The following AVIL variants were observed in gnomAD, a reference collection of about 807,000 sequenced individuals.
The protein encoded by AVIL is advillin.
A neutral mutation model predicts 109.9 loss-of-function variants in AVIL; 78 were observed. The ratio of observed to expected loss-of-function variants is 0.71; its 90% CI spans 0.59 to 0.86. The LOEUF is 0.86. AVIL is among the 40% of genes least tolerant of loss of function. The pLI, the probability that AVIL is intolerant of heterozygous loss-of-function variation, is 0.00. For missense variants in AVIL, 892 were observed against 1,016.5 expected (o/e 0.88, Z 1.67); for synonymous variants, 367 against 379.1 (o/e 0.97, Z 0.37).
At chr12:57,811,255 G>T in intron 4 of AVIL, 128 bp from the exon 5 acceptor site, 1 of 847,938 alleles carries the variant, frequency 1.2e-6, no homozygotes. Flanking sequence ...AATACAGATG[G>T]TGGCAGCTGC....
At chr12:57,812,926 G>A (rs944686674) in intron 4 of AVIL, among the ~76,000 whole-genome samples, 6 of 152,290 alleles carry the variant, frequency 3.9e-5, no homozygotes, top group African/African-American at 9.6e-5. Flanking sequence ...ACCTGGATAC[G>A]TGAGGATTTC....
chr12:57,818,173 C>T (rs1170340611), intron 1 of AVIL, among the ~76,000 whole-genome samples: 3 of 123,454 alleles, frequency 2.4e-5, no homozygotes, highest in Middle Eastern at 8.3e-3. Context: ...TGTGCACCAC[C>T]ATGCTTGGCT....
chr12:57,809,617 C>T lies in AVIL; in HGVS notation c.919G>A (p.Ala307Thr). ...GKGATKAEKQ[A>T]AMSKALGFIK... Reference sequence around the variant, plus strand: ...CCTACCAGCGCTTTAGACATGGCTGCCTGTTTTTCAGCCTTTGTGGCTCCT... The same window carrying T: ...CCTACCAGCGCTTTAGACATGGCTGTCTGTTTTTCAGCCTTTGTGGCTCCT... Residue 307 changes from alanine (A) to threonine (T), a missense_variant, in exon 9 of 20, where the codon GCA becomes ACA. By Grantham distance (58) the Ala-to-Thr change is moderately conservative. Coordinates refer to ENST00000549994, the MANE Select transcript of AVIL (RefSeq NM_006576.4). 1.2e-6 allele frequency: 2 copies of T among 1,614,210 alleles called. No homozygotes were observed. The highest frequency in any genetic ancestry group is 1.7e-6 in the Non-Finnish European group (2 of 1,180,036).
In AVIL at chr12:57,808,537, C is replaced by G. The variant is rs1238821249; in HGVS notation, c.951G>C (p.Lys317Asn). The G allele has an allele frequency of 1.2e-6, 2 of 1,614,024 alleles. No homozygotes were observed. The highest frequency in any genetic ancestry group is 2.2e-5 in the South Asian group (2 of 91,064). ...TGGTGCTGCTGGGGTAGCTCTTCAT[C>G]TTGATGAAGCCCTGCAGAGCCACCC... ...AAMSKALGFI[K>N]MKSYPSSTNV... Residue 317 changes from lysine to asparagine, a missense_variant, in exon 10 of 20, where the codon AAG becomes AAC. Lys to Asn is a moderately conservative substitution (Grantham distance 94). Coordinates refer to ENST00000549994, the MANE Select transcript of AVIL (RefSeq NM_006576.4).
chr12:57,801,433 T>C, intron 17 of AVIL: 1 of 390,762 alleles, frequency 2.6e-6, no homozygotes, highest in South Asian at 2.7e-5. Flanking sequence ...GTCCTCCCAA[T>C]AAGATTTAAG....
In AVIL at chr12:57,803,300, T is replaced by G. The variant is rs1400949099; in HGVS notation, c.1909A>C (p.Thr637Pro). 6.2e-7 allele frequency: 1 copy of G among 1,614,040 alleles called. No homozygotes were observed. The highest frequency in any genetic ancestry group is 1.3e-5 in the African/African-American group (1 of 74,908). ...TCAGTAGGGTTCAGGTCATCCTGGG[T>G]GAAGTCTGTGATCTCAGTGACAACG... ...QFVVTEITDFTQDDLNPTDVM... is the reference protein window; with the variant it reads ...QFVVTEITDFPQDDLNPTDVM... Residue 637 changes from threonine (T) to proline (P), a missense_variant, in exon 16 of 20, where the codon ACC becomes CCC. By Grantham distance (38) the Thr-to-Pro change is conservative. Transcript: ENST00000549994.
At chr12:57,811,750 G>C (rs1299059466) in intron 4 of AVIL, among the ~76,000 whole-genome samples, 2 of 152,248 alleles carry the variant, frequency 1.3e-5, no homozygotes, top group Non-Finnish European at 2.9e-5. Context: ...GCAAGAAGCT[G>C]ATCTTGGCCC....
chr12:57,809,351 G>C (rs368021434), intron 9 of AVIL, among the ~76,000 whole-genome samples: 1 of 152,176 alleles, frequency 6.6e-6, no homozygotes, highest in East Asian at 1.9e-4. Context: ...TAGGAGATGG[G>C]TATGACCCCC....
At chr12:57,811,583 C>A (rs1446937622) in intron 4 of AVIL, among the ~76,000 whole-genome samples, 1 of 152,180 alleles carries the variant, frequency 6.6e-6, no homozygotes, top group Non-Finnish European at 1.5e-5. Flanking sequence ...ACCCGCCCTG[C>A]ACTCAGCCCA....
intron 14 of AVIL, 119 bp downstream of exon 14, chr12:57,806,241 T>C: frequency 9.4e-7 from 1 of 1,068,804 alleles, no homozygotes; most frequent in Non-Finnish European, 1.4e-6. Context: ...TTTTAGTATA[T>C]GTGCTGCCAA....
At chr12:57,813,805 C>T (rs555652562) in intron 3 of AVIL, among the ~76,000 whole-genome samples, 1 of 152,336 alleles carries the variant, frequency 6.6e-6, no homozygotes, top group South Asian at 2.1e-4. Context: ...ATGTGAGTCT[C>T]CTCCATGAGA....
At chr12:57,815,825 G>A in intron 2 of AVIL, 150 bp downstream of exon 2, 3 of 1,522,482 alleles carry the variant, frequency 2.0e-6, no homozygotes. Context: ...GAGAGGTGAA[G>A]GATGGGAAAT....
intron 7 of AVIL, 109 bp from the exon 8 acceptor site, chr12:57,809,999 G>C: frequency 9.3e-7 from 1 of 1,079,350 alleles, no homozygotes; most frequent in Non-Finnish European, 1.4e-6. Context: ...GGTAGAGTGT[G>C]ACTGCCTAAG....
In AVIL at chr12:57,808,475, A is replaced by T. The variant is rs750538192; in HGVS notation, c.1013T>A (p.Met338Lys). ...CCACTTCTGGAACAGCTGCTTGAACATGGCCGACTCAGCACCATCGTTGAC... is the reference window on the plus strand; with the variant it reads ...CCACTTCTGGAACAGCTGCTTGAACTTGGCCGACTCAGCACCATCGTTGAC... ...ETVNDGAESAMFKQLFQKWSV... is the reference protein window; with the variant it reads ...ETVNDGAESAKFKQLFQKWSV... Residue 338 changes from methionine (M) to lysine (K), a missense_variant, in exon 10 of 20, where the codon ATG becomes AAG. Met to Lys is a moderately conservative substitution (Grantham distance 95, BLOSUM62 -1). Coordinates refer to ENST00000549994, the MANE Select transcript of AVIL (RefSeq NM_006576.4). 1.8e-5 allele frequency: 29 copies of T among 1,614,048 alleles called. No individual in the cohort carries two copies. Among genetic ancestry groups the T allele is most frequent in the Non-Finnish European group, 1.9e-5 (23 of 1,180,046 alleles).
chr12:57,811,550 C>T (rs950601762), intron 4 of AVIL, among the ~76,000 whole-genome samples: 1 of 152,208 alleles, frequency 6.6e-6, no homozygotes, highest in African/African-American at 2.4e-5. Context: ...GGCCTTAAGA[C>T]CACCTACCCT....
chr12:57,815,405 A>C (rs2140461917), intron 2 of AVIL, among the ~76,000 whole-genome samples: 1 of 152,300 alleles, frequency 6.6e-6, no homozygotes, highest in East Asian at 1.9e-4. Flanking sequence ...GGCAGCAGCA[A>C]CTGACTGGGC....
rs752259423 is a variant in AVIL, at chr12:57,810,988, G to A, written c.447+31C>T. On this transcript the variant is annotated intron_variant, in intron 5 of 19. Coordinates refer to ENST00000549994, the MANE Select transcript of AVIL (RefSeq NM_006576.4). The stretch of plus-strand genomic sequence containing the variant: ...CTTAGGTGCCAGGTGGAGAAGCCCC[G>A]GGCCTGGGGCAGAGAGTGTGCAGGA... The A allele has an allele frequency of 2.2e-5, 36 of 1,612,496 alleles. No homozygotes were observed. The South Asian group carries it at 3.3e-4, about 15-fold the overall frequency.
intron 1 of AVIL, among the ~76,000 whole-genome samples, chr12:57,816,744 A>G (rs1956105590): frequency 7.3e-6 from 1 of 136,374 alleles, no homozygotes; most frequent in African/African-American, 2.7e-5. Flanking sequence ...CTATTCTTAA[A>G]CTCAAACAAC....
rs779935171 is a variant in AVIL at position 57,811,117 on chromosome 12, C to T, written c.349G>A (p.Gly117Arg). 6.2e-7 allele frequency: 1 copy of T among 1,614,016 alleles called. No individual in the cohort carries two copies. Among genetic ancestry groups the T allele is most frequent in the Admixed American group, 1.7e-5 (1 of 59,998 alleles). Residue 117 changes from glycine (G) to arginine (R), a missense_variant, in exon 5 of 20, where the codon GGG becomes AGG. Transcript: ENST00000549994. ...YFKQGIIYKQ[G>R]GVASGMKHVE... ...TGCTTCATCCCAGAGGCGACACCCCCCTGCTTGTAGCTAAGGGAACATCCA... is the reference window on the plus strand; with the variant it reads ...TGCTTCATCCCAGAGGCGACACCCCTCTGCTTGTAGCTAAGGGAACATCCA...
Sources: allele counts gnomAD v4.1 joint callset (sites outside exome capture counted in the v4.1 genomes callset), GRCh38; gene constraint gnomAD v4.1.1; transcripts MANE v1.5; gene names NCBI Gene and HGNC (gene_info 2026-07-23, HGNC 2026-07-21).